MYO5B: variants seen among roughly 807,000 people sequenced by gnomAD.
MYO5B encodes the protein myosin VB, also known as unconventional myosin-Vb.
MYO5B carries 143 observed loss-of-function variants against 229.3 expected under a neutral mutation model. The ratio of observed to expected loss-of-function variants is 0.62; its 90% confidence interval spans 0.54 to 0.72. The LOEUF (loss-of-function observed/expected upper bound fraction) is 0.72, where lower values mean the gene tolerates loss of function less well. Ranked by LOEUF, MYO5B falls within the 30% of genes least tolerant of loss-of-function variation. MYO5B has a pLI of 0.00. For synonymous variants in MYO5B, 918 were observed against 885.2 expected (o/e 1.04, Z -0.66); for missense variants, 2,321 against 2,331.0 (o/e 1.00, Z 0.09).
At chr18:50,142,038 A>G (rs1343535131) in intron 1 of MYO5B, among the ~76,000 whole-genome samples, 2 of 152,218 alleles carry the variant, frequency 1.3e-5, no homozygotes, top group Non-Finnish European at 2.9e-5. Flanking sequence ...CTCTGATTCA[A>G]CCAAGTAATT....
In MYO5B at chr18:49,904,598, C is replaced by T. The variant is rs546381584; in HGVS notation, c.2571+74G>A. The stretch of plus-strand genomic sequence containing the variant: ...GTTGGGAGTGCTTGACAGAGGTTCA[C>T]GTTGGCAGTAATTCATCTGTTGCCA... On this transcript the variant is annotated intron_variant, in intron 20 of 39. Transcript: ENST00000285039. 1.6e-4 allele frequency: 249 copies of T among 1,584,346 alleles called. 1 individual carries two copies. The highest frequency in any genetic ancestry group is 2.0e-4 in the Admixed American group (12 of 59,986).
intron 1 of MYO5B, among the ~76,000 whole-genome samples, chr18:50,113,925 T>C (rs1238227732): frequency 6.6e-6 from 1 of 152,256 alleles, no homozygotes; most frequent in East Asian, 1.9e-4. Flanking sequence ...TAACTCATTT[T>C]ATCGATTTCC....
intron 4 of MYO5B, among the ~76,000 whole-genome samples, chr18:50,013,220 C>T (rs562110830): frequency 6.6e-6 from 1 of 152,298 alleles, no homozygotes; most frequent in South Asian, 2.1e-4. Flanking sequence ...GGAAAACTTG[C>T]TGACCTCAGA....
chr18:50,072,381 TG>T (rs1442914982), intron 1 of MYO5B, among the ~76,000 whole-genome samples: 3 of 152,008 alleles, frequency 2.0e-5, no homozygotes, highest in Non-Finnish European at 4.4e-5. Flanking sequence ...CCCATTTATG[TG>T]GGAGAGAGAC....
At chr18:49,878,262 T>A (rs2024548641) in intron 24 of MYO5B, among the ~76,000 whole-genome samples, 1 of 152,144 alleles carries the variant, frequency 6.6e-6, no homozygotes, top group Non-Finnish European at 1.5e-5. Flanking sequence ...CAACCTGCAC[T>A]CCTCAAATTT....
chr18:49,924,284 A>C (rs537528405), intron 17 of MYO5B, among the ~76,000 whole-genome samples: 67 of 152,306 alleles, frequency 4.4e-4, no homozygotes, highest in African/African-American at 1.5e-3. Flanking sequence ...TATCTTACTA[A>C]ATGCTCAAGT....
chr18:50,123,914 A>T (rs1184928947), intron 1 of MYO5B, among the ~76,000 whole-genome samples: 1 of 152,190 alleles, frequency 6.6e-6, no homozygotes, highest in Non-Finnish European at 1.5e-5. Context: ...TATATATACG[A>T]TACACACACA....
intron 17 of MYO5B, among the ~76,000 whole-genome samples, chr18:49,923,470 A>C (rs1362516726): frequency 1.3e-5 from 2 of 152,056 alleles, no homozygotes; most frequent in African/African-American, 4.8e-5. Context: ...TAGAAGCAAA[A>C]TCCTCTCCCC....
At chr18:50,070,402 G>T (rs1365960590) in intron 1 of MYO5B, among the ~76,000 whole-genome samples, 1 of 152,012 alleles carries the variant, frequency 6.6e-6, no homozygotes, top group Non-Finnish European at 1.5e-5. Flanking sequence ...TGCTTCTAGA[G>T]CAGTTCTCAT....
chr18:50,102,442 G>A (rs2144504230), intron 1 of MYO5B, among the ~76,000 whole-genome samples: 1 of 152,256 alleles, frequency 6.6e-6, no homozygotes, highest in African/African-American at 2.4e-5. Flanking sequence ...ATACGATCCA[G>A]GTGGAGAAAA....
chr18:49,911,865 G>A (rs749867758), intron 18 of MYO5B, among the ~76,000 whole-genome samples, 197 bp downstream of exon 18: 1 of 152,112 alleles, frequency 6.6e-6, no homozygotes, highest in African/African-American at 2.4e-5. Context: ...CTGTAAAAAA[G>A]GTTGGGAAGT....
At chr18:49,860,547 C>G (rs2024317398) in intron 29 of MYO5B, among the ~76,000 whole-genome samples, 1 of 152,134 alleles carries the variant, frequency 6.6e-6, no homozygotes, top group African/African-American at 2.4e-5. Flanking sequence ...TAGCTTCTCT[C>G]CCCAGAGTTC....
At chr18:50,150,252 A>C (rs1178784631) in intron 1 of MYO5B, among the ~76,000 whole-genome samples, 1 of 144,356 alleles carries the variant, frequency 6.9e-6, no homozygotes, top group African/African-American at 2.5e-5. Context: ...AAACTAGTTC[A>C]ACCATTGTGG....
At chr18:49,879,264 C>G in intron 23 of MYO5B, 174 bp from the exon 24 acceptor site, 1 of 739,832 alleles carries the variant, frequency 1.4e-6, no homozygotes. Context: ...AGTCTCATTA[C>G]TCTGGCTTAG....
chr18:49,895,248 A>G, intron 21 of MYO5B, 74 bp from the exon 22 acceptor site: 4 of 1,284,050 alleles, frequency 3.1e-6, no homozygotes, highest in South Asian at 2.4e-5. Flanking sequence ...CCAGGGAAAA[A>G]GCATGAAGGC....
intron 4 of MYO5B, among the ~76,000 whole-genome samples, chr18:50,027,983 C>T (rs4287668): frequency 0.81 from 122,555 of 152,148 alleles, 49,586 homozygotes; most frequent in Admixed American, 0.86. Context: ...TGAATTTACA[C>T]TGACAGAAAG....
intron 17 of MYO5B, 83 bp from the exon 18 acceptor site, chr18:49,912,256 C>T (rs1469432422): frequency 6.0e-6 from 6 of 997,490 alleles, no homozygotes; most frequent in Non-Finnish European, 9.7e-6. Context: ...AGACAGTTCC[C>T]TATGGGGTCA....
intron 1 of MYO5B, among the ~76,000 whole-genome samples, chr18:50,078,973 A>T (rs76784184): frequency 0.038 from 5,777 of 152,350 alleles, 361 homozygotes; most frequent in African/African-American, 0.13. Context: ...TAATGTGGAC[A>T]TAAGAATACA....
intron 1 of MYO5B, among the ~76,000 whole-genome samples, chr18:50,101,327 G>A (rs962968370): frequency 1.3e-5 from 2 of 152,152 alleles, no homozygotes; most frequent in African/African-American, 4.8e-5. Flanking sequence ...GGGAAGAGGG[G>A]TACTTAGTGA....
Sources: allele counts gnomAD v4.1 joint callset (sites outside exome capture counted in the v4.1 genomes callset), GRCh38; gene constraint gnomAD v4.1.1; transcripts MANE v1.5; gene names NCBI Gene and HGNC (gene_info 2026-07-23, HGNC 2026-07-21).